Variants in LYST observed in about 807,000 individuals in gnomAD.
LYST encodes the protein lysosomal-trafficking regulator.
In LYST, 192 loss-of-function variants were observed where a neutral mutation model predicts 413.6. The observed-to-expected ratio is 0.46, with a 90% CI of 0.41 to 0.52. LYST has a LOEUF of 0.52. Ranked by LOEUF, LYST falls within the 20% of genes least tolerant of loss-of-function variation. The probability of loss-of-function intolerance (pLI) is 0.00; values close to 1 mark genes in which losing one functional copy is unlikely to be tolerated. For synonymous variants in LYST, 1,525 were observed against 1,567.3 expected, an observed-to-expected ratio of 0.97 and a Z score of 0.64; for missense variants, 3,815 against 4,499.9, an observed-to-expected ratio of 0.85 and a Z score of 4.35.
chr1:235,848,963 T>C (rs957889837), intron 1 of LYST, among the ~76,000 whole-genome samples: 1 of 152,096 alleles, frequency 6.6e-6, no homozygotes, highest in Non-Finnish European at 1.5e-5. Flanking sequence ...ACCAATCCTT[T>C]TGACACTATT....
chr1:235,756,546 T>A (rs1667067375), intron 24 of LYST, among the ~76,000 whole-genome samples: 1 of 152,138 alleles, frequency 6.6e-6, no homozygotes, highest in Admixed American at 6.5e-5. Context: ...GTATTGCAAG[T>A]GATTAAACAA....
intron 3 of LYST, among the ~76,000 whole-genome samples, chr1:235,816,457 T>TAAAAAAAAAAA (rs1231395765): frequency 9.7e-6 from 1 of 103,438 alleles, no homozygotes; most frequent in African/African-American, 5.1e-5. Flanking sequence ...AATAAATAAA[T>TAAAAAAAAAAA]AAAAAATAAA....
intron 34 of LYST, 26 bp from the exon 35 acceptor site, chr1:235,731,203 T>C (rs1664348641): frequency 6.2e-7 from 1 of 1,611,536 alleles, no homozygotes; most frequent in Non-Finnish European, 8.5e-7. Context: ...TTAAAGGGTG[T>C]TTTAAGTGAC....
At chr1:235,848,445 C>A in intron 1 of LYST, among the ~76,000 whole-genome samples, 1 of 151,930 alleles carries the variant, frequency 6.6e-6, no homozygotes, top group East Asian at 1.9e-4. Flanking sequence ...AGAGCACAAT[C>A]TAAGGTCACA....
In LYST at chr1:235,757,419, T is replaced by C. The variant is rs544394700; in HGVS notation, c.6921A>G (p.Leu2307=). The change falls in exon 24 of 53, where the codon TTA becomes TTG. Residue 2307 remains leucine (L), a synonymous_variant. Transcript: ENST00000389793. ...EDCLVPICCG[L]YELLSGVLLI... ...GAAGAACCCCACTTAGGAGTTCATA[T>C]AATCCACAGCATATAGGTACCAAAC... The C allele has an allele frequency of 1.9e-6, 3 of 1,613,742 alleles. No homozygotes were observed. The African/African-American group carries it at 4.0e-5, about 22-fold the overall frequency.
intron 47 of LYST, among the ~76,000 whole-genome samples, chr1:235,691,332 G>A (rs146154938): frequency 1.1e-4 from 17 of 152,332 alleles, no homozygotes; most frequent in African/African-American, 4.1e-4. Context: ...CTCAAGTTTG[G>A]AGAGATTAAG....
intron 17 of LYST, 123 bp from the exon 18 acceptor site, chr1:235,775,209 T>C: frequency 2.7e-6 from 2 of 743,100 alleles, no homozygotes; most frequent in Non-Finnish European, 4.7e-6. Flanking sequence ...TTTTTAATGC[T>C]CATACTCTAC....
At chr1:235,770,550 A>C (rs891089262) in intron 19 of LYST, among the ~76,000 whole-genome samples, 1 of 152,204 alleles carries the variant, frequency 6.6e-6, no homozygotes, top group Non-Finnish European at 1.5e-5. Context: ...TGTGGCATTA[A>C]ATGTATTTTC....
intron 8 of LYST, among the ~76,000 whole-genome samples, chr1:235,801,737 A>G (rs1672251421): frequency 6.6e-6 from 1 of 152,222 alleles, no homozygotes; most frequent in Admixed American, 6.5e-5. Flanking sequence ...AATCTGTACT[A>G]TGGTAAGCTG....
At chr1:235,822,644 AT>A (rs536677355) in intron 3 of LYST, among the ~76,000 whole-genome samples, 91 of 152,258 alleles carry the variant, frequency 6.0e-4, no homozygotes, top group Non-Finnish European at 9.6e-4. Flanking sequence ...AATAATAATA[AT>A]TTTGGTCAGA....
At position 235,752,273 on chromosome 1, in the gene LYST, A is replaced by T. The variant is rs1666575022; in HGVS notation, c.7461-102T>A. ...TTTAAATGGTTTAAATTCCTGTTCG[A>T]CCAGCTTGCACTCATTCATGCAGTC... is the stretch of plus-strand genomic sequence containing the variant. On this transcript the variant is annotated intron_variant, in intron 26 of 52. Coordinates refer to ENST00000389793, the MANE Select transcript of LYST (RefSeq NM_000081.4). 3 of 796,312 alleles carry T rather than the reference A, an allele frequency of 3.8e-6. No homozygotes were observed. The Admixed American group carries it at 6.3e-5, about 17-fold the overall frequency. 49.3% of individuals were successfully genotyped at this position (796,312 alleles called of 1,614,324 possible).
At chr1:235,801,221 C>G in intron 8 of LYST, 124 bp from the exon 9 acceptor site, 2 of 686,758 alleles carry the variant, frequency 2.9e-6, no homozygotes, top group Non-Finnish European at 5.2e-6. Context: ...AAAACCTTTT[C>G]CAATCTTTTC....
In LYST at chr1:235,793,486, A is replaced by C. The variant is rs1056554308; in HGVS notation, c.4116+17T>G. On this transcript the variant is annotated intron_variant, in intron 11 of 52. Coordinates refer to ENST00000389793, the MANE Select transcript of LYST (RefSeq NM_000081.4). Reference sequence around the variant, plus strand: ...AGAATTTATCAGTGAAAAATGTAAAAATTATAGCATATTTACTGTACAAGG... The same window carrying C: ...AGAATTTATCAGTGAAAAATGTAAACATTATAGCATATTTACTGTACAAGG... The C allele has an allele frequency of 1.7e-6, 2 of 1,169,134 alleles. No individual in the cohort carries two copies. Among genetic ancestry groups the C allele is most frequent in the Admixed American group, 3.7e-5 (2 of 54,008 alleles). The allele number at this position is 1,169,134 out of a possible 1,614,324, so 72.4% of individuals were successfully genotyped here.
At chr1:235,848,367 G>A (rs1558337931) in intron 1 of LYST, among the ~76,000 whole-genome samples, 1 of 152,104 alleles carries the variant, frequency 6.6e-6, no homozygotes, top group African/African-American at 2.4e-5. Flanking sequence ...CAAAACCTCT[G>A]CGATGGAGCA....
Sources: allele counts gnomAD v4.1 joint callset (sites outside exome capture counted in the v4.1 genomes callset), GRCh38; gene constraint gnomAD v4.1.1; transcripts MANE v1.5; gene names NCBI Gene and HGNC (gene_info 2026-07-23, HGNC 2026-07-21).